The following ODF2L variants were observed in gnomAD, a reference collection of about 807,000 sequenced individuals.
The protein encoded by ODF2L is protein BCAP.
Under a neutral mutation model 86.3 loss-of-function variants are expected in ODF2L, and 76 were observed. The ratio of observed to expected loss-of-function variants is 0.88; its 90% CI spans 0.73 to 1.07. The LOEUF is 1.07. ODF2L is among the 50% of genes least tolerant of loss of function. The pLI is 0.00. For missense variants in ODF2L, 748 were observed against 717.4 expected (o/e 1.04, Z -0.49); for synonymous variants, 241 against 231.3 (o/e 1.04, Z -0.38).
At chr1:86,350,922 C>A (rs1019977818) in exon 18 of ODF2L, 1 of 152,020 alleles carries the variant, frequency 6.6e-6, no homozygotes, top group Non-Finnish European at 1.5e-5. Flanking sequence ...TGTTCATATT[C>A]TTTGCACACT....
chr1:86,387,440 T>A (rs1043826651), intron 1 of ODF2L, among the ~76,000 whole-genome samples: 1 of 152,218 alleles, frequency 6.6e-6, no homozygotes, highest in African/African-American at 2.4e-5. Flanking sequence ...GTCTGTCTTA[T>A]TAGGCCCATG....
intron 7 of ODF2L, among the ~76,000 whole-genome samples, chr1:86,377,521 T>A (rs576385916): frequency 6.6e-4 from 101 of 152,288 alleles, no homozygotes; most frequent in African/African-American, 2.4e-3. Context: ...CAGCAGAGGT[T>A]CCCCATAAGG....
At chr1:86,361,661 A>G (rs1311085080) in intron 11 of ODF2L, among the ~76,000 whole-genome samples, 1 of 152,252 alleles carries the variant, frequency 6.6e-6, no homozygotes, top group Non-Finnish European at 1.5e-5. Flanking sequence ...GTCTTGTCAA[A>G]TAACATTTGT....
intron 14 of ODF2L, 30 bp from the exon 14 acceptor site, chr1:86,354,889 A>G: frequency 8.0e-7 from 1 of 1,247,086 alleles, no homozygotes; most frequent in East Asian, 2.3e-5. Flanking sequence ...TTTCTTAGTC[A>G]TTTTCTTCAC....
At position 86,360,409 on chromosome 1, in the gene ODF2L, A is replaced by C; in HGVS notation, c.1254+17T>G. On this transcript the variant is annotated intron_variant, in intron 12 of 17. Coordinates refer to ENST00000317336, the Ensembl canonical transcript of ODF2L. ...TCTACCAATTTTAGTAAACACTAAA[A>C]TAAATGCAGTAGTCACCTGAGTTTT... The C allele has an allele frequency of 1.8e-6, 2 of 1,106,404 alleles. No individual in the cohort carries two copies. Among genetic ancestry groups the C allele is most frequent in the Non-Finnish European group, 2.7e-6 (2 of 739,096 alleles). The allele number at this position is 1,106,404 out of a possible 1,614,324, so 68.5% of individuals were successfully genotyped here.
chr1:86,373,405 T>C (rs1341486564), intron 8 of ODF2L, among the ~76,000 whole-genome samples: 2 of 150,640 alleles, frequency 1.3e-5, no homozygotes, highest in Non-Finnish European at 3.0e-5. Context: ...GCCTCCCTAG[T>C]AGCTAGGGCT....
exon 17 of ODF2L, chr1:86,352,945 C>T: frequency 6.5e-7 from 1 of 1,540,078 alleles, no homozygotes; most frequent in Non-Finnish European, 8.9e-7. Context: ...ATTTGTAAAG[C>T]ACTCTCTCTA....
intron 13 of ODF2L, 140 bp from the exon 13 acceptor site, chr1:86,356,742 T>C: frequency 1.6e-6 from 1 of 610,296 alleles, no homozygotes; most frequent in East Asian, 3.2e-5. Context: ...TGAATAAATA[T>C]TAAACTCTGT....
In ODF2L at chr1:86,383,199, G is replaced by A. The variant is rs371870600; in HGVS notation, c.373-3C>T. The A allele has an allele frequency of 1.9e-4, 297 of 1,530,864 alleles. No individual in the cohort carries two copies. Among genetic ancestry groups the A allele is most frequent in the Non-Finnish European group, 2.6e-4 (291 of 1,123,962 alleles). 94.8% of individuals were successfully genotyped at this position (1,530,864 alleles called of 1,614,324 possible). On this transcript the variant is annotated splice_polypyrimidine_tract_variant and splice_region_variant and intron_variant, in intron 4 of 17. Coordinates refer to ENST00000317336, the Ensembl canonical transcript of ODF2L. Reference sequence around the variant, plus strand: ...ATGCTGGATAAATTGTCTCCTGTCTGAGAAAAGAATGTTATAAATCAGTGA... The same window carrying A: ...ATGCTGGATAAATTGTCTCCTGTCTAAGAAAAGAATGTTATAAATCAGTGA...
At chr1:86,353,337 T>C (rs1039501380) in intron 16 of ODF2L, among the ~76,000 whole-genome samples, 3 of 152,294 alleles carry the variant, frequency 2.0e-5, no homozygotes, top group African/African-American at 4.8e-5. Flanking sequence ...TGATGGAACA[T>C]AGAAATTTCT....
intron 1 of ODF2L, among the ~76,000 whole-genome samples, chr1:86,393,954 C>T (rs926170661): frequency 6.6e-6 from 1 of 152,144 alleles, no homozygotes; most frequent in South Asian, 2.1e-4. Flanking sequence ...GGAAAAAGAC[C>T]TGGCCAAAGA....
chr1:86,385,500 C>T lies in ODF2L; in HGVS notation c.204G>A (p.Leu68=), dbSNP rs773897143. 3 of 1,602,066 alleles carry T rather than the reference C, an allele frequency of 1.9e-6. No individual in the cohort carries two copies. The South Asian group carries it at 3.3e-5, about 18-fold the overall frequency. Residue 68 remains leucine (L), a synonymous_variant, in exon 3 of 18, where the codon TTG becomes TTA. Coordinates refer to ENST00000317336, the Ensembl canonical transcript of ODF2L. ...TTTCAATGGTGTCCTTAAATAGTGG[C>T]AAAAGCAATTCTACAGAATGAGTTA...
intron 10 of ODF2L, 80 bp downstream of exon 10, chr1:86,370,938 C>T (rs901008224): frequency 1.1e-6 from 1 of 890,512 alleles, no homozygotes; most frequent in Admixed American, 3.0e-5. Flanking sequence ...TCTAAACATA[C>T]TCTTTCTTCA....
chr1:86,366,606 A>AG (rs1659458260), intron 11 of ODF2L, among the ~76,000 whole-genome samples: 1 of 13,940 alleles, frequency 7.2e-5, no homozygotes, highest in African/African-American at 4.7e-4. Flanking sequence ...ACTCTGTCTC[A>AG]AAAAAAAAAA....
chr1:86,376,702 G>A (rs1660200424), intron 7 of ODF2L, among the ~76,000 whole-genome samples: 1 of 152,070 alleles, frequency 6.6e-6, no homozygotes, highest in South Asian at 2.1e-4. Context: ...AGGAGCAAAG[G>A]GGGAAGAGCC....
chr1:86,357,815 AAGAC>A (rs1658700507), intron 13 of ODF2L: 1 of 985,026 alleles, frequency 1.0e-6, no homozygotes, highest in Non-Finnish European at 1.2e-6. Context: ...GTATCTGAAA[AAGAC>A]AGGCTCCAAC....
exon 12 of ODF2L, chr1:86,360,489 T>C: frequency 6.2e-7 from 1 of 1,604,974 alleles, no homozygotes; most frequent in Non-Finnish European, 8.5e-7. Flanking sequence ...ATTCTGAGAG[T>C]TCATTTTCAA....
chr1:86,368,200 C>A (rs917864377), intron 11 of ODF2L, among the ~76,000 whole-genome samples: 2 of 152,110 alleles, frequency 1.3e-5, no homozygotes, highest in Non-Finnish European at 2.9e-5. Context: ...TTGCCCTTAA[C>A]ATTCATATCT....
chr1:86,357,645 C>A, intron 13 of ODF2L: 1 of 342,628 alleles, frequency 2.9e-6, no homozygotes, highest in Non-Finnish European at 4.1e-6. Flanking sequence ...TTTAAGGACA[C>A]TGAGGGATCC....
Sources: allele counts gnomAD v4.1 joint callset (sites outside exome capture counted in the v4.1 genomes callset), GRCh38; gene constraint gnomAD v4.1.1; transcripts MANE v1.5; gene names NCBI Gene and HGNC (gene_info 2026-07-23, HGNC 2026-07-21).